The following RBPMS variants were observed in gnomAD, a reference collection of about 807,000 sequenced individuals.
RBPMS encodes RNA-binding protein with multiple splicing.
RBPMS carries 7 observed loss-of-function variants against 26.8 expected under a neutral mutation model. The ratio of observed to expected loss-of-function variants is 0.26; its 90% CI spans 0.15 to 0.49. RBPMS has a LOEUF of 0.49. RBPMS is among the 20% of genes least tolerant of loss of function. The pLI is 0.98. For missense variants in RBPMS, 186 were observed against 250.0 expected, an observed-to-expected ratio of 0.74 and a Z score of 1.73; for synonymous variants, 96 against 93.3, an observed-to-expected ratio of 1.03 and a Z score of -0.17.
intron 5 of RBPMS, among the ~76,000 whole-genome samples, chr8:30,533,213 ATT>A: frequency 6.6e-6 from 1 of 152,132 alleles, no homozygotes; most frequent in Non-Finnish European, 1.5e-5. Flanking sequence ...CTCAGAAAAC[ATT>A]TTTTATTCAC....
intron 5 of RBPMS, among the ~76,000 whole-genome samples, chr8:30,537,406 C>G (rs553701090): frequency 6.6e-6 from 1 of 152,200 alleles, no homozygotes; most frequent in African/African-American, 2.4e-5. Flanking sequence ...TGCTTTTTTG[C>G]AGAAAACTTG....
At chr8:30,565,220 TGAG>T (rs1354929160) in intron 7 of RBPMS, 2 of 152,232 alleles carry the variant, frequency 1.3e-5, no homozygotes, top group Non-Finnish European at 2.9e-5. Flanking sequence ...TCCTTAAATC[TGAG>T]GAGAGAGATG....
chr8:30,443,764 A>T (rs1041751517), intron 1 of RBPMS, among the ~76,000 whole-genome samples: 6 of 149,548 alleles, frequency 4.0e-5, no homozygotes, highest in African/African-American at 1.5e-4. Context: ...CGTCCAGCGA[A>T]TTTTTGTATT....
intron 5 of RBPMS, among the ~76,000 whole-genome samples, chr8:30,517,932 A>G (rs1822525993): frequency 6.6e-6 from 1 of 152,202 alleles, no homozygotes; most frequent in Non-Finnish European, 1.5e-5. Context: ...AAGAAATCAC[A>G]AAAGAGCTGG....
chr8:30,561,390 G>A (rs558381853), intron 7 of RBPMS, among the ~76,000 whole-genome samples: 2 of 152,296 alleles, frequency 1.3e-5, no homozygotes, highest in South Asian at 4.1e-4. Flanking sequence ...GGCACTGAGC[G>A]GACCCTGCTG....
At chr8:30,495,910 TCA>T (rs1042800499) in intron 4 of RBPMS, among the ~76,000 whole-genome samples, 1 of 152,154 alleles carries the variant, frequency 6.6e-6, no homozygotes, top group African/African-American at 2.4e-5. Flanking sequence ...TGTAATGTCC[TCA>T]CACACACACG....
intron 1 of RBPMS, among the ~76,000 whole-genome samples, chr8:30,450,917 A>G (rs1192056111): frequency 6.6e-6 from 1 of 152,134 alleles, no homozygotes; most frequent in Non-Finnish European, 1.5e-5. Flanking sequence ...TGAAAGGCAG[A>G]TATATATCTG....
chr8:30,441,151 AT>A (rs1368483380), intron 1 of RBPMS, among the ~76,000 whole-genome samples: 1 of 152,116 alleles, frequency 6.6e-6, no homozygotes, highest in Non-Finnish European at 1.5e-5. Flanking sequence ...GTAACTGTCC[AT>A]TTTTAATATT....
chr8:30,544,750 G>C (rs1825728182), intron 6 of RBPMS, 126 bp downstream of exon 6: 1 of 1,599,432 alleles, frequency 6.3e-7, no homozygotes. Context: ...AGAGATTAAT[G>C]ATCCCCTCTA....
rs533735464 is a variant in RBPMS, at chr8:30,414,567, A to G, written c.66+29409A>G. Among the ~76,000 whole-genome samples the G allele has an allele frequency of 5.3e-5, 8 of 152,246 alleles. 1 individual carries two copies. The highest frequency in any genetic ancestry group is 4.1e-4 in the South Asian group (2 of 4,834). ...CACTGGTCATGAGGCCGGAGCAGAT[A>G]GAAAGATCAGTACTAATCCGTCACC... On this transcript the variant is annotated intron_variant, in intron 1 of 8. Transcript: ENST00000397323.
chr8:30,501,265 T>TCCCCCCCCCACCCCC (rs1820526532), intron 4 of RBPMS, among the ~76,000 whole-genome samples: 1 of 124,848 alleles, frequency 8.0e-6, no homozygotes, highest in Non-Finnish European at 1.6e-5. Flanking sequence ...ACCCCACCCC[T>TCCCCCCCCCACCCCC]GACCCCTCCC....
chr8:30,411,816 C>A (rs555592571), intron 1 of RBPMS, among the ~76,000 whole-genome samples: 12 of 152,046 alleles, frequency 7.9e-5, no homozygotes, highest in South Asian at 6.2e-4. Flanking sequence ...AACCCTGTCT[C>A]TACTTTAAAA....
intron 5 of RBPMS, among the ~76,000 whole-genome samples, chr8:30,518,389 G>T (rs1585737905): frequency 6.6e-6 from 1 of 152,108 alleles, no homozygotes; most frequent in East Asian, 1.9e-4. Context: ...AGTTAGCTAG[G>T]AGTATGACTT....
intron 1 of RBPMS, among the ~76,000 whole-genome samples, chr8:30,385,729 T>C (rs1456377142): frequency 2.0e-5 from 3 of 152,094 alleles, no homozygotes; most frequent in Admixed American, 6.6e-5. Context: ...GGTGAACGCT[T>C]GTGATTTTAG....
At chr8:30,444,339 T>TATA (rs1307167679) in intron 1 of RBPMS, among the ~76,000 whole-genome samples, 1 of 152,252 alleles carries the variant, frequency 6.6e-6, no homozygotes, top group Admixed American at 6.5e-5. Flanking sequence ...AAATTAAAGC[T>TATA]ATAAATAGTT....
chr8:30,541,925 G>T (rs1447094281), intron 5 of RBPMS, among the ~76,000 whole-genome samples: 3 of 152,244 alleles, frequency 2.0e-5, no homozygotes, highest in Non-Finnish European at 2.9e-5. Context: ...GAGTGTATGT[G>T]TGTGTTAGGA....
chr8:30,446,964 A>T (rs556557324), intron 1 of RBPMS: 1 of 152,080 alleles, frequency 6.6e-6, no homozygotes, highest in Non-Finnish European at 1.5e-5. Flanking sequence ...CTTATGATCT[A>T]AGGTGGGTGC....
intron 1 of RBPMS, among the ~76,000 whole-genome samples, chr8:30,472,973 A>G (rs955238910): frequency 6.6e-6 from 1 of 152,168 alleles, no homozygotes; most frequent in African/African-American, 2.4e-5. Context: ...CCCATCTTTC[A>G]CTGAGGAAAA....
chr8:30,536,174 C>G (rs1310046788), intron 5 of RBPMS, among the ~76,000 whole-genome samples: 3 of 147,324 alleles, frequency 2.0e-5, no homozygotes, highest in Non-Finnish European at 3.0e-5. Flanking sequence ...GTTGCCCAGG[C>G]TGGAGTGCAA....
Sources: gnomAD v4.1 joint callset for allele counts (sites outside exome capture counted in the v4.1 genomes callset) on GRCh38, gnomAD v4.1.1 for gene constraint, MANE v1.5 for transcripts, NCBI Gene and HGNC (gene_info 2026-07-23, HGNC 2026-07-21) for gene names.